ABCB5: variants seen among roughly 807,000 people sequenced by gnomAD.
ABCB5 encodes ATP-binding cassette sub-family B member 5.
In ABCB5, 155 loss-of-function variants were observed where a neutral mutation model predicts 144.2. The observed-to-expected ratio is 1.08, with a 90% CI of 0.94 to 1.23. ABCB5 has a LOEUF of 1.23. ABCB5 is among the 50% of genes most tolerant of loss of function. The pLI is 0.00. For missense variants in ABCB5, 1,830 were observed against 1,520.8 expected, an observed-to-expected ratio of 1.20 and a Z score of -3.38; for synonymous variants, 610 against 528.6, an observed-to-expected ratio of 1.15 and a Z score of -2.11.
chr7:20,656,050 T>G (rs1784780397), intron 13 of ABCB5, among the ~76,000 whole-genome samples: 1 of 152,110 alleles, frequency 6.6e-6, no homozygotes, highest in Non-Finnish European at 1.5e-5. Flanking sequence ...AAGAAATATC[T>G]TTTCAACAAA....
intron 16 of ABCB5, among the ~76,000 whole-genome samples, chr7:20,693,806 G>A (rs1324049994): frequency 6.6e-6 from 1 of 151,302 alleles, no homozygotes; most frequent in Non-Finnish European, 1.5e-5. Flanking sequence ...CATCAAGAAT[G>A]AAAGAGCTGA....
intron 16 of ABCB5, among the ~76,000 whole-genome samples, chr7:20,696,223 T>C (rs1161245135): frequency 6.6e-6 from 1 of 152,128 alleles, no homozygotes; most frequent in Non-Finnish European, 1.5e-5. Flanking sequence ...AGTGAAATGC[T>C]ATGCAGCAAT....
At chr7:20,711,896 CCTTCCT>C (rs1562573985) in intron 20 of ABCB5, among the ~76,000 whole-genome samples, 1 of 114,186 alleles carries the variant, frequency 8.8e-6, no homozygotes, top group African/African-American at 3.3e-5. Flanking sequence ...CTCCCTCCTT[CCTTCCT>C]TCCTTCCTTT....
At chr7:20,624,752 T>A (rs1783870869) in intron 2 of ABCB5, among the ~76,000 whole-genome samples, 1 of 152,148 alleles carries the variant, frequency 6.6e-6, no homozygotes, top group South Asian at 2.1e-4. Context: ...GCCACCAACA[T>A]CGCTAAGATC....
chr7:20,704,705 T>G lies in ABCB5; in HGVS notation c.2338-19T>G. 6.2e-7 allele frequency: 1 copy of G among 1,603,110 alleles called. No homozygotes were observed. The highest frequency in any genetic ancestry group is 2.2e-5 in the East Asian group (1 of 44,744). ...AAAATGATTTTTGACAACCATATGT[T>G]AATTCTCCTTTTCTCTAGGATATTG... On this transcript the variant is annotated intron_variant, in intron 19 of 27. Coordinates refer to ENST00000404938, the MANE Select transcript of ABCB5 (RefSeq NM_001163941.2).
intron 26 of ABCB5, among the ~76,000 whole-genome samples, chr7:20,749,047 T>G: frequency 6.6e-6 from 1 of 152,110 alleles, no homozygotes; most frequent in South Asian, 2.1e-4. Context: ...TTTCTTTGTC[T>G]CTCCCTTTCT....
chr7:20,647,245 A>C, intron 9 of ABCB5: 1 of 1,099,936 alleles, frequency 9.1e-7, no homozygotes, highest in Non-Finnish European at 1.1e-6. Context: ...TTTTCTGGTC[A>C]CACATCCCAG....
At position 20,699,880 on chromosome 7, in the gene ABCB5, T is replaced by C. The variant is rs746738913; in HGVS notation, c.2210T>C (p.Met737Thr). Reference protein sequence around the residue: ...TLKHDAEIYSMIFVILGVICF... With the variant: ...TLKHDAEIYSTIFVILGVICF... Reference sequence around the variant, plus strand: ...AAGCATGATGCAGAAATTTATTCCATGATATTCGTCATTTTGGGTGTTATT... The same window carrying C: ...AAGCATGATGCAGAAATTTATTCCACGATATTCGTCATTTTGGGTGTTATT... Residue 737 changes from methionine to threonine, a missense_variant, in exon 18 of 28, where the codon ATG becomes ACG. Met to Thr is a moderately conservative substitution (Grantham distance 81). Transcript: ENST00000404938. 1 of 1,613,010 alleles carries C rather than the reference T, an allele frequency of 6.2e-7. No individual in the cohort carries two copies. The highest frequency in any genetic ancestry group is 1.1e-5 in the South Asian group (1 of 90,728).
intron 16 of ABCB5, among the ~76,000 whole-genome samples, chr7:20,697,644 C>T (rs1211635470): frequency 6.6e-6 from 1 of 152,186 alleles, no homozygotes; most frequent in Non-Finnish European, 1.5e-5. Context: ...TTGCATTGTG[C>T]TTTCTCTGTA....
chr7:20,658,573 T>C lies in ABCB5; in HGVS notation c.1604T>C (p.Ile535Thr). Residue 535 changes from isoleucine to threonine, a missense_variant, in exon 14 of 28, where the codon ATT becomes ACT. Coordinates refer to ENST00000404938, the MANE Select transcript of ABCB5 (RefSeq NM_001163941.2). ...MSGGQKQRIA[I>T]ARALVRNPKI... Reference sequence around the variant, plus strand: ...GGAGGGCAGAAACAGAGGATCGCAATTGCTCGTGCCTTAGTTCGAAACCCC... The same window carrying C: ...GGAGGGCAGAAACAGAGGATCGCAACTGCTCGTGCCTTAGTTCGAAACCCC... 6.2e-7 allele frequency: 1 copy of C among 1,614,168 alleles called. No individual in the cohort carries two copies. Among genetic ancestry groups the C allele is most frequent in the Non-Finnish European group, 8.5e-7 (1 of 1,180,030 alleles).
chr7:20,670,845 G>C (rs1305468982), intron 14 of ABCB5, among the ~76,000 whole-genome samples: 1 of 152,180 alleles, frequency 6.6e-6, no homozygotes, highest in Non-Finnish European at 1.5e-5. Flanking sequence ...GGAGGCGGAG[G>C]TTGCAGTGAG....
intron 1 of ABCB5, among the ~76,000 whole-genome samples, chr7:20,621,600 T>G (rs577306700): frequency 2.0e-4 from 31 of 152,190 alleles, no homozygotes; most frequent in African/African-American, 7.2e-4. Context: ...GCTCAATACT[T>G]TTTTCAATTC....
At chr7:20,694,047 A>C (rs914050520) in intron 16 of ABCB5, among the ~76,000 whole-genome samples, 5 of 151,458 alleles carry the variant, frequency 3.3e-5, no homozygotes, top group Admixed American at 2.0e-4. Flanking sequence ...AAAAAACAAA[A>C]AAACTTTAAG....
In ABCB5 at chr7:20,651,412, A is replaced by T; in HGVS notation, c.1333-8A>T. The T allele has an allele frequency of 6.2e-7, 1 of 1,613,978 alleles. No individual in the cohort carries two copies. Among genetic ancestry groups the T allele is most frequent in the African/African-American group, 1.3e-5 (1 of 75,040 alleles). On this transcript the variant is annotated splice_polypyrimidine_tract_variant and splice_region_variant and intron_variant, in intron 12 of 27. Transcript: ENST00000404938. Reference sequence around the variant, plus strand: ...CATCACAACATGGTTCATTCTTTGGATTGGCAGATCATGGTGGATGAGAAT... The same window carrying T: ...CATCACAACATGGTTCATTCTTTGGTTTGGCAGATCATGGTGGATGAGAAT...
At chr7:20,626,008 C>A (rs1783900552) in intron 2 of ABCB5, among the ~76,000 whole-genome samples, 1 of 152,114 alleles carries the variant, frequency 6.6e-6, no homozygotes, top group Non-Finnish European at 1.5e-5. Context: ...AGACTTTATG[C>A]TAAGTGAATA....
intron 14 of ABCB5, among the ~76,000 whole-genome samples, chr7:20,665,724 A>AAGAC (rs1448395560): frequency 7.4e-6 from 1 of 134,504 alleles, no homozygotes; most frequent in South Asian, 2.7e-4. Context: ...TAGAGATGGA[A>AAGAC]AGATAGATAG....
At chr7:20,639,123 T>A (rs988263940) in intron 5 of ABCB5, among the ~76,000 whole-genome samples, 2 of 152,230 alleles carry the variant, frequency 1.3e-5, no homozygotes, top group South Asian at 4.1e-4. Flanking sequence ...GATGAGCATT[T>A]AATGTACTTT....
At chr7:20,620,637 G>C (rs1198069120) in intron 1 of ABCB5, among the ~76,000 whole-genome samples, 2 of 151,998 alleles carry the variant, frequency 1.3e-5, no homozygotes, top group South Asian at 4.1e-4. Context: ...GTAAGCATAT[G>C]AGATACTCAA....
At chr7:20,621,118 G>A (rs543946881) in intron 1 of ABCB5, among the ~76,000 whole-genome samples, 1 of 152,070 alleles carries the variant, frequency 6.6e-6, no homozygotes, top group Non-Finnish European at 1.5e-5. Context: ...ATTATGTTAA[G>A]TGAAATAAGC....
Sources: allele counts gnomAD v4.1 joint callset (sites outside exome capture counted in the v4.1 genomes callset), GRCh38; gene constraint gnomAD v4.1.1; transcripts MANE v1.5; gene names NCBI Gene and HGNC (gene_info 2026-07-23, HGNC 2026-07-21).